The following LGR6 variants were observed in gnomAD, a reference collection of about 807,000 sequenced individuals.
The protein encoded by LGR6 is leucine rich repeat containing G protein-coupled receptor 6, also known as leucine-rich repeat-containing G protein-coupled receptor 6.
LGR6 carries 45 observed loss-of-function variants against 69.4 expected under a neutral mutation model. The ratio of observed to expected loss-of-function variants is 0.65; its 90% CI spans 0.51 to 0.83. The LOEUF (loss-of-function observed/expected upper bound fraction) is 0.83. Ranked by LOEUF, LGR6 falls within the 40% of genes least tolerant of loss-of-function variation. The pLI is 0.00. For missense variants in LGR6, 1,108 were observed against 1,246.7 expected, an observed-to-expected ratio of 0.89 and a Z score of 1.68; for synonymous variants, 538 against 555.0, an observed-to-expected ratio of 0.97 and a Z score of 0.43.
intron 3 of LGR6, among the ~76,000 whole-genome samples, chr1:202,231,722 AC>A (rs1167202493): frequency 2.6e-5 from 4 of 152,212 alleles, no homozygotes; most frequent in African/African-American, 9.6e-5. Flanking sequence ...GTGATGTGCC[AC>A]CCTTGGACCT....
chr1:202,205,148 C>A (rs1659097924), intron 1 of LGR6, among the ~76,000 whole-genome samples: 1 of 95,234 alleles, frequency 1.1e-5, no homozygotes, highest in Non-Finnish European at 1.9e-5. Flanking sequence ...ACACACACAC[C>A]TCCACACACA....
At position 202,227,964 on chromosome 1, in the gene LGR6, A is replaced by G; in HGVS notation, c.313A>G (p.Ile105Val). 1.2e-6 allele frequency: 2 copies of G among 1,613,884 alleles called. No individual in the cohort carries two copies. Among genetic ancestry groups the G allele is most frequent in the East Asian group, 2.2e-5 (1 of 44,880 alleles). Reference sequence around the variant, plus strand: ...TCTCTCTGGGAACCATCTCTCACACATCCCAGGACAAGCATTCTCTGGTCT... The same window carrying G: ...TCTCTCTGGGAACCATCTCTCACACGTCCCAGGACAAGCATTCTCTGGTCT... ...LRLSGNHLSH[I>V]PGQAFSGLYS... The change falls in exon 3 of 18, where the codon ATC becomes GTC. Residue 105 changes from isoleucine (I) to valine (V), a missense_variant. Transcript: ENST00000367278.
intron 16 of LGR6, among the ~76,000 whole-genome samples, chr1:202,312,955 A>G (rs788641): frequency 0.57 from 86,256 of 152,026 alleles, 25,737 homozygotes; most frequent in East Asian, 0.75. Context: ...AAGGCCGGGC[A>G]CGGTGGCTCA....
In LGR6 at chr1:202,310,351, A is replaced by T; in HGVS notation, c.1561A>T (p.Asn521Tyr). 6.2e-7 allele frequency: 1 copy of T among 1,613,506 alleles called. No homozygotes were observed. The highest frequency in any genetic ancestry group is 8.5e-7 in the Non-Finnish European group (1 of 1,179,936). The change falls in exon 16 of 18, where the codon AAC becomes TAC. Residue 521 changes from asparagine (N) to tyrosine (Y), a missense_variant. Physicochemically the swap from Asn to Tyr is moderately radical, Grantham distance 143. Coordinates refer to ENST00000367278, the MANE Select transcript of LGR6 (RefSeq NM_001017403.2). ...GGGCCTCCTTGCCAGACAAGCAGAG[A>T]ACCACTGTGAGTGACCAGGGGCCCT... ...PLGLLARQAE[N>Y]HYDQDLDELQ...
chr1:202,256,801 C>G (rs2148083955), intron 4 of LGR6, among the ~76,000 whole-genome samples: 1 of 152,256 alleles, frequency 6.6e-6, no homozygotes, highest in African/African-American at 2.4e-5. Context: ...AAACTCTTTT[C>G]CAAAGTGACT....
chr1:202,271,874 G>A (rs942276701), intron 4 of LGR6, among the ~76,000 whole-genome samples: 3 of 150,140 alleles, frequency 2.0e-5, no homozygotes, highest in Non-Finnish European at 3.0e-5. Flanking sequence ...CCAATACTGC[G>A]CCTGTCTCCT....
rs563115093 is a variant in LGR6, at chr1:202,207,081, C to T, written c.212+12880C>T. Among the ~76,000 whole-genome samples, 4 of 152,196 alleles carry T rather than the reference C, an allele frequency of 2.6e-5. No individual in the cohort carries two copies. In the East Asian group the frequency reaches 7.7e-4, roughly 29 times the overall value. On this transcript the variant is annotated intron_variant, in intron 1 of 17. Coordinates refer to ENST00000367278, the MANE Select transcript of LGR6 (RefSeq NM_001017403.2). Reference sequence around the variant, plus strand: ...TATAGGCTCCTGCCACCATGCCCAGCTAATTTTTGTATTTTTAGTAGAGAC... The same window carrying T: ...TATAGGCTCCTGCCACCATGCCCAGTTAATTTTTGTATTTTTAGTAGAGAC...
At chr1:202,237,183 GC>G (rs923757526) in intron 4 of LGR6, among the ~76,000 whole-genome samples, 20 of 152,114 alleles carry the variant, frequency 1.3e-4, no homozygotes, top group Admixed American at 1.3e-4. Context: ...CTCAGCTTCT[GC>G]CCCCCCTTCC....
At position 202,318,488 on chromosome 1, in the gene LGR6, G is replaced by A. The variant is rs1166021003; in HGVS notation, c.2185G>A (p.Ala729Thr). 6 of 1,613,906 alleles carry A rather than the reference G, an allele frequency of 3.7e-6. No individual in the cohort carries two copies. In the South Asian group the frequency reaches 4.4e-5, roughly 12 times the overall value. The change falls in exon 18 of 18, where the codon GCC becomes ACC. Residue 729 changes from alanine (A) to threonine (T), a missense_variant. Coordinates refer to ENST00000367278, the MANE Select transcript of LGR6 (RefSeq NM_001017403.2). ...CGCGCCACCTGAGGGTCAGCCAGCAGCCCTGGGCTTCACCGTGGCCCTGGT... is the reference window on the plus strand; with the variant it reads ...CGCGCCACCTGAGGGTCAGCCAGCAACCCTGGGCTTCACCGTGGCCCTGGT... ...PYAPPEGQPA[A>T]LGFTVALVMM...
chr1:202,315,176 A>G (rs762354026), intron 17 of LGR6, among the ~76,000 whole-genome samples: 49 of 152,200 alleles, frequency 3.2e-4, no homozygotes, highest in Non-Finnish European at 8.8e-5. Context: ...GCAGGAAAGA[A>G]TGCCTTGACC....
chr1:202,302,245 C>G (rs569426378), intron 9 of LGR6, among the ~76,000 whole-genome samples: 1 of 152,324 alleles, frequency 6.6e-6, no homozygotes, highest in African/African-American at 2.4e-5. Flanking sequence ...TTAACTTTCA[C>G]GTTCATTACG....
At chr1:202,213,026 G>T (rs761573050) in intron 1 of LGR6, among the ~76,000 whole-genome samples, 1 of 152,104 alleles carries the variant, frequency 6.6e-6, no homozygotes, top group Non-Finnish European at 1.5e-5. Context: ...AGTATCTGTG[G>T]GTCTGAATCT....
At chr1:202,202,339 A>G (rs1374057059) in intron 1 of LGR6, among the ~76,000 whole-genome samples, 2 of 152,210 alleles carry the variant, frequency 1.3e-5, no homozygotes, top group Non-Finnish European at 2.9e-5. Context: ...AATCCAAGGT[A>G]TTCAGTGTCC....
intron 6 of LGR6, 78 bp from the exon 7 acceptor site, chr1:202,297,430 C>G: frequency 8.3e-7 from 1 of 1,211,164 alleles, no homozygotes; most frequent in Admixed American, 2.1e-5. Flanking sequence ...AAGCCCAGAG[C>G]CAAGTTTCCA....
intron 16 of LGR6, among the ~76,000 whole-genome samples, chr1:202,312,831 C>A (rs895649733): frequency 1.3e-5 from 2 of 152,146 alleles, no homozygotes; most frequent in African/African-American, 4.8e-5. Flanking sequence ...GTTCTAGATT[C>A]TCATTTCAAA....
Position 202,304,546 on chromosome 1 carries a change from G to A in LGR6, c.999-13G>A. On this transcript the variant is annotated splice_polypyrimidine_tract_variant and intron_variant, in intron 10 of 17. Transcript: ENST00000367278. ...TGGGCCTGGTGCCAGCTCTGTCTCT[G>A]TTCTCCCTGCAGGACCCTGACCCGC... 1 of 1,593,610 alleles carries A rather than the reference G, an allele frequency of 6.3e-7. No individual in the cohort carries two copies. Among genetic ancestry groups the A allele is most frequent in the East Asian group, 2.2e-5 (1 of 44,574 alleles).
At chr1:202,247,324 AGGG>A (rs941407950) in intron 4 of LGR6, among the ~76,000 whole-genome samples, 26 of 152,124 alleles carry the variant, frequency 1.7e-4, no homozygotes, top group Non-Finnish European at 3.2e-4. Context: ...TCCACCCCCC[AGGG>A]GATTAGTATG....
chr1:202,216,163 G>A (rs1385789752), intron 1 of LGR6, among the ~76,000 whole-genome samples: 1 of 152,236 alleles, frequency 6.6e-6, no homozygotes, highest in Admixed American at 6.5e-5. Context: ...ATGAATGGTT[G>A]AAAGTTGGAG....
chr1:202,275,523 A>G (rs1394919213), intron 4 of LGR6, among the ~76,000 whole-genome samples: 1 of 152,132 alleles, frequency 6.6e-6, no homozygotes, highest in Non-Finnish European at 1.5e-5. Flanking sequence ...AAGCAGGATC[A>G]CCCACCATCT....
Sources: allele counts gnomAD v4.1 joint callset (sites outside exome capture counted in the v4.1 genomes callset), GRCh38; gene constraint gnomAD v4.1.1; transcripts MANE v1.5; gene names NCBI Gene and HGNC (gene_info 2026-07-23, HGNC 2026-07-21).